Variants in CLIC5 observed in about 807,000 individuals in gnomAD.
CLIC5 encodes CLIC family member 5.
CLIC5 carries 20 observed loss-of-function variants against 24.7 expected under a neutral mutation model. The ratio of observed to expected loss-of-function variants is 0.81; its 90% CI spans 0.57 to 1.18. CLIC5 has a LOEUF of 1.18. Among genes scored for constraint, CLIC5 ranks in the 50% most tolerant of loss-of-function variants. CLIC5 has a pLI of 0.00. For missense variants in CLIC5, 341 were observed against 326.1 expected (o/e 1.05, Z -0.35); for synonymous variants, 159 against 135.6 (o/e 1.17, Z -1.20).
At chr6:46,036,785 A>T (rs1562017708) in intron 1 of CLIC5, among the ~76,000 whole-genome samples, 1 of 152,236 alleles carries the variant, frequency 6.6e-6, no homozygotes, top group Non-Finnish European at 1.5e-5. Context: ...AAGGGTTTGT[A>T]GTTTCCATAC....
At chr6:45,939,204 C>T (rs1366634700) in intron 4 of CLIC5, among the ~76,000 whole-genome samples, 1 of 150,480 alleles carries the variant, frequency 6.6e-6, no homozygotes, top group Non-Finnish European at 1.5e-5. Flanking sequence ...ATGTCTGTGT[C>T]CTCTCCTCTC....
At chr6:45,991,790 A>G (rs1765950974) in intron 1 of CLIC5, among the ~76,000 whole-genome samples, 1 of 152,156 alleles carries the variant, frequency 6.6e-6, no homozygotes, top group East Asian at 1.9e-4. Flanking sequence ...GCTATAGTAG[A>G]AAGAGAGGTT....
At chr6:45,989,579 G>A (rs1400576556) in intron 1 of CLIC5, among the ~76,000 whole-genome samples, 1 of 152,136 alleles carries the variant, frequency 6.6e-6, no homozygotes, top group African/African-American at 2.4e-5. Context: ...ACGTAAGTCA[G>A]GTAATATAGT....
At chr6:46,025,714 T>A (rs1274574587) in intron 1 of CLIC5, among the ~76,000 whole-genome samples, 1 of 152,172 alleles carries the variant, frequency 6.6e-6, no homozygotes, top group Non-Finnish European at 1.5e-5. Flanking sequence ...TGGCTCTGTG[T>A]CCCCACCCAA....
intron 1 of CLIC5, among the ~76,000 whole-genome samples, chr6:45,960,322 A>C (rs906786322): frequency 6.6e-6 from 1 of 152,224 alleles, no homozygotes; most frequent in African/African-American, 2.4e-5. Context: ...TTGATAGATG[A>C]GTCAGTTATC....
At chr6:45,974,228 C>T (rs938166105) in intron 1 of CLIC5, among the ~76,000 whole-genome samples, 2 of 151,706 alleles carry the variant, frequency 1.3e-5, no homozygotes, top group Admixed American at 6.6e-5. Context: ...CTTATGCTCC[C>T]CTGAGAAGTG....
At chr6:46,099,317 A>G in the CLIC5 span, among the ~76,000 whole-genome samples, 1 of 152,312 alleles carries the variant, frequency 6.6e-6, no homozygotes, top group East Asian at 1.9e-4. Context: ...CTGTGGAATA[A>G]TTCTATCAAT....
At chr6:46,021,042 G>A (rs1767163807) in intron 1 of CLIC5, among the ~76,000 whole-genome samples, 2 of 133,396 alleles carry the variant, frequency 1.5e-5, no homozygotes. Flanking sequence ...AGAAGAGGAG[G>A]AAGTGAAGGA....
rs200432038 is a variant in CLIC5, at chr6:45,928,795, T to TGTGTGG, written c.406+12751_406+12752insCCACAC. Among the ~76,000 whole-genome samples, 1,386 of 148,474 alleles carry TGTGTGG rather than the reference T, an allele frequency of 9.3e-3. 28 individuals are homozygous for TGTGTGG. Among genetic ancestry groups the TGTGTGG allele is most frequent in the African/African-American group, 0.032 (1,284 of 39,812 alleles). On this transcript the variant is annotated intron_variant, in intron 4 of 5. Coordinates refer to ENST00000339561, the MANE Select transcript of CLIC5 (RefSeq NM_016929.5). The stretch of plus-strand genomic sequence containing the variant: ...GTGTGTGTGTGTGTGTGTGTGTGTG[T>TGTGTGG]AGAGAGAGAGAGATTGAGAAACGTA...
In CLIC5 at chr6:46,015,855, G is replaced by T; in HGVS notation, c.-313C>A. 1.8e-5 allele frequency: 20 copies of T among 1,102,918 alleles called. No homozygotes were observed. Among genetic ancestry groups the T allele is most frequent in the Non-Finnish European group, 2.1e-5 (19 of 905,432 alleles). The allele number at this position is 1,102,918 out of a possible 1,614,324, so 68.3% of individuals were successfully genotyped here. ...CGGAGGTGTCACAGGATCCGCGACT[G>T]TCAGCGATCCCGCCGCCGCCAACGC... is the stretch of plus-strand genomic sequence containing the variant. On this transcript the variant is annotated 5_prime_UTR_variant, in exon 1 of 6. Transcript: ENST00000339561.
Position 45,955,225 on chromosome 6 carries a change from C to A in CLIC5, c.83G>T (p.Ser28Ile), listed in dbSNP as rs755019638. 3 of 1,613,814 alleles carry A rather than the reference C, an allele frequency of 1.9e-6. No homozygotes were observed. Among genetic ancestry groups the A allele is most frequent in the Non-Finnish European group, 2.5e-6 (3 of 1,179,760 alleles). ...LFVKAGIDGE[S>I]IGNCPFSQRL... ...CTGAGAGAAAGGACAGTTGCCGATGCTTTCTCCATCGATTCCAGCCTGGAA... is the reference window on the plus strand; with the variant it reads ...CTGAGAGAAAGGACAGTTGCCGATGATTTCTCCATCGATTCCAGCCTGGAA... Residue 28 changes from serine to isoleucine, a missense_variant, in exon 2 of 6, where the codon AGC (serine) becomes ATC (isoleucine). Coordinates refer to ENST00000339561, the MANE Select transcript of CLIC5 (RefSeq NM_016929.5).
intron 1 of CLIC5, among the ~76,000 whole-genome samples, chr6:45,962,389 G>GGA (rs1764876009): frequency 6.6e-6 from 1 of 151,304 alleles, no homozygotes; most frequent in African/African-American, 2.4e-5. Flanking sequence ...TTCTTCAGAG[G>GGA]AGGGGGTCAG....
intron 5 of CLIC5, among the ~76,000 whole-genome samples, chr6:45,907,350 C>A (rs1201615307): frequency 2.6e-5 from 4 of 152,120 alleles, no homozygotes; most frequent in Non-Finnish European, 1.5e-5. Flanking sequence ...GTATGTTGAA[C>A]CAACCATGCA....
At chr6:46,119,947 G>C in the CLIC5 span, among the ~76,000 whole-genome samples, 1 of 152,190 alleles carries the variant, frequency 6.6e-6, no homozygotes, top group East Asian at 1.9e-4. Context: ...GCTGGAACTG[G>C]GTGGAGCCCA....
intron 1 of CLIC5, among the ~76,000 whole-genome samples, chr6:45,974,790 T>C (rs1765332550): frequency 6.6e-6 from 1 of 152,048 alleles, no homozygotes; most frequent in Non-Finnish European, 1.5e-5. Flanking sequence ...TGTGGATATA[T>C]ATGTAACCCC....
At chr6:45,949,528 G>A (rs1286770553) in intron 2 of CLIC5, 147 bp from the exon 3 acceptor site, 6 of 855,368 alleles carry the variant, frequency 7.0e-6, no homozygotes, top group Non-Finnish European at 1.1e-5. Context: ...TATAGGGCAG[G>A]GGAGGTTGGA....
At chr6:46,066,641 G>A (rs1445132700) in intron 1 of CLIC5, among the ~76,000 whole-genome samples, 4 of 152,160 alleles carry the variant, frequency 2.6e-5, no homozygotes, top group Admixed American at 1.3e-4. Context: ...TGAATAAGAT[G>A]TAGCTGGAAA....
intron 4 of CLIC5, among the ~76,000 whole-genome samples, chr6:45,934,678 G>A (rs547271334): frequency 2.6e-5 from 4 of 152,336 alleles, no homozygotes; most frequent in African/African-American, 7.2e-5. Context: ...TAGAGCAGGA[G>A]AAATACTGAA....
At chr6:46,079,947 G>A in exon 1 of CLIC5, 1 of 1,551,586 alleles carries the variant, frequency 6.4e-7, no homozygotes. Flanking sequence ...GTCCTCCTGG[G>A]GCTCACCTGG....
Sources: allele counts gnomAD v4.1 joint callset (sites outside exome capture counted in the v4.1 genomes callset), GRCh38; gene constraint gnomAD v4.1.1; transcripts MANE v1.5; gene names NCBI Gene and HGNC (gene_info 2026-07-23, HGNC 2026-07-21).